DENND2B: variants seen among roughly 807,000 people sequenced by gnomAD.
The protein encoded by DENND2B is DENN domain-containing protein 2B.
A neutral mutation model predicts 116.0 loss-of-function variants in DENND2B; 32 were observed. The observed-to-expected ratio is 0.28, with a 90% confidence interval of 0.21 to 0.37. The LOEUF is 0.37. Among genes scored for constraint, DENND2B ranks in the 10% least tolerant of loss-of-function variants. DENND2B has a pLI of 1.00. For missense variants in DENND2B, 1,276 were observed against 1,477.7 expected (o/e 0.86, Z 2.24); for synonymous variants, 588 against 583.9 (o/e 1.01, Z -0.10).
intron 2 of DENND2B, among the ~76,000 whole-genome samples, chr11:8,741,603 C>A (rs368551891): frequency 6.6e-6 from 1 of 152,170 alleles, no homozygotes; most frequent in East Asian, 1.9e-4. Flanking sequence ...GTCAAAATAA[C>A]CCCTCCTCTT....
chr11:8,833,426 T>A (rs1566031128), intron 4 of DENND2B, among the ~76,000 whole-genome samples: 1 of 152,172 alleles, frequency 6.6e-6, no homozygotes, highest in Admixed American at 6.5e-5. Context: ...AAAGGGCAAT[T>A]CCTAATACAG....
At chr11:8,701,347 G>GA (rs2041595167) in intron 14 of DENND2B, among the ~76,000 whole-genome samples, 1 of 44,400 alleles carries the variant, frequency 2.3e-5, no homozygotes, top group African/African-American at 8.6e-5. Context: ...CAGCTTCCGG[G>GA]GGGGGGGGGG....
chr11:8,861,707 A>G (rs976166380), intron 2 of DENND2B, among the ~76,000 whole-genome samples: 1 of 152,214 alleles, frequency 6.6e-6, no homozygotes, highest in Non-Finnish European at 1.5e-5. Flanking sequence ...ATGAGTCATT[A>G]TATCAAAAAG....
At chr11:8,710,378 C>T (rs987876085) in intron 11 of DENND2B, among the ~76,000 whole-genome samples, 3 of 152,132 alleles carry the variant, frequency 2.0e-5, no homozygotes, top group Non-Finnish European at 4.4e-5. Context: ...TCCAGCCCCA[C>T]CACACCACAG....
intron 4 of DENND2B, chr11:8,718,720 T>G (rs1473127728): frequency 2.7e-6 from 3 of 1,126,512 alleles, no homozygotes; most frequent in Non-Finnish European, 1.1e-6. Context: ...CAGGACTAGT[T>G]CTAAAATCTC....
At chr11:8,736,426 A>T (rs953783255) in intron 2 of DENND2B, among the ~76,000 whole-genome samples, 9 of 152,182 alleles carry the variant, frequency 5.9e-5, no homozygotes, top group Non-Finnish European at 1.0e-4. Context: ...TATAGGTTAC[A>T]TTCTGGTAGA....
intron 1 of DENND2B, among the ~76,000 whole-genome samples, chr11:8,803,399 G>A (rs879845115): frequency 1.1e-4 from 17 of 152,094 alleles, no homozygotes; most frequent in Admixed American, 1.1e-3. Context: ...AAAATGTCAA[G>A]TCAGGATGTC....
chr11:8,711,390 A>ATCAT (rs372777641), intron 9 of DENND2B, among the ~76,000 whole-genome samples, 159 bp from the exon 10 acceptor site: 10 of 152,274 alleles, frequency 6.6e-5, no homozygotes, highest in East Asian at 1.9e-4. Flanking sequence ...GCCCAGAGTC[A>ATCAT]TCATTCATTC....
intron 1 of DENND2B, among the ~76,000 whole-genome samples, chr11:8,797,738 C>A (rs2059960969): frequency 6.6e-6 from 1 of 152,110 alleles, no homozygotes; most frequent in Admixed American, 6.6e-5. Context: ...GCATGAGCCA[C>A]CATGCCCAGC....
At chr11:8,820,264 A>T (rs2134541942) in intron 4 of DENND2B, among the ~76,000 whole-genome samples, 1 of 152,330 alleles carries the variant, frequency 6.6e-6, no homozygotes, top group East Asian at 1.9e-4. Flanking sequence ...TATATTACCC[A>T]TAGAAAACAG....
chr11:8,832,375 C>T (rs1452792405), intron 4 of DENND2B, among the ~76,000 whole-genome samples: 2 of 148,896 alleles, frequency 1.3e-5, no homozygotes, highest in African/African-American at 2.5e-5. Context: ...TTGCTTGGAC[C>T]GGGGAGGCGG....
intron 2 of DENND2B, among the ~76,000 whole-genome samples, chr11:8,862,608 T>A (rs2063435081): frequency 1.3e-5 from 2 of 152,198 alleles, no homozygotes; most frequent in Non-Finnish European, 2.9e-5. Flanking sequence ...GTGCTGGGAT[T>A]ACAGGTGAGT....
rs1050724148 is a variant in DENND2B, at chr11:8,764,230, C to G, written c.-25-13505G>C. On this transcript the variant is annotated intron_variant, in intron 1 of 19. Transcript: ENST00000313726. ...GCGAGAATCAATCTCAAAAAAAAAACAAAAGAAAAGAAAAGAAAAAAGAAG... is the reference window on the plus strand; with the variant it reads ...GCGAGAATCAATCTCAAAAAAAAAAGAAAAGAAAAGAAAAGAAAAAAGAAG... 2.0e-5 allele frequency among the ~76,000 whole-genome samples: 3 copies of G among 146,826 alleles called. 1 individual carries two copies. Among genetic ancestry groups the G allele is most frequent in the Middle Eastern group, 6.9e-3 (2 of 290 alleles).
intron 5 of DENND2B, among the ~76,000 whole-genome samples, chr11:8,716,446 G>A (rs1376269166): frequency 6.6e-6 from 1 of 152,068 alleles, no homozygotes; most frequent in Admixed American, 6.6e-5. Flanking sequence ...CTCATCCCAG[G>A]GCACCATCCT....
At chr11:8,884,624 G>A (rs1050541017) in intron 1 of DENND2B, among the ~76,000 whole-genome samples, 23 of 152,230 alleles carry the variant, frequency 1.5e-4, no homozygotes, top group African/African-American at 5.3e-4. Flanking sequence ...CAGCCTAGGA[G>A]TTAATATGGT....
At chr11:8,716,882 A>T (rs1195145911) in intron 5 of DENND2B, among the ~76,000 whole-genome samples, 3 of 152,194 alleles carry the variant, frequency 2.0e-5, no homozygotes, top group South Asian at 4.1e-4. Flanking sequence ...ACCTCAGATG[A>T]TCTGCCCACC....
intron 4 of DENND2B, chr11:8,718,587 CA>C: frequency 4.4e-6 from 6 of 1,358,190 alleles, no homozygotes; most frequent in Non-Finnish European, 5.7e-6. Flanking sequence ...CTGATCTCAG[CA>C]AAAAGAGAAC....
At chr11:8,788,617 C>T (rs147963030) in intron 1 of DENND2B, among the ~76,000 whole-genome samples, 170 of 152,284 alleles carry the variant, frequency 1.1e-3, no homozygotes, top group African/African-American at 3.9e-3. Context: ...TCCCTGAGGG[C>T]GCTCTCTCCA....
intron 10 of DENND2B, 21 bp from the exon 11 acceptor site, chr11:8,710,935 G>T: frequency 6.2e-7 from 1 of 1,613,754 alleles, no homozygotes. Context: ...GAGAGGTCTG[G>T]CATCAGGGAG....
Sources: allele counts gnomAD v4.1 joint callset (sites outside exome capture counted in the v4.1 genomes callset), GRCh38; gene constraint gnomAD v4.1.1; transcripts MANE v1.5; gene names NCBI Gene and HGNC (gene_info 2026-07-23, HGNC 2026-07-21).